The following PHACTR1 variants were observed in gnomAD, a reference collection of about 807,000 sequenced individuals.
The protein encoded by PHACTR1 is RPEL repeat containing 1.
PHACTR1 carries 16 observed loss-of-function variants against 69.2 expected under a neutral mutation model. The ratio of observed to expected loss-of-function variants is 0.23; its 90% CI spans 0.16 to 0.35. PHACTR1 has a LOEUF of 0.35. Ranked by LOEUF, PHACTR1 falls within the 10% of genes least tolerant of loss-of-function variation. The pLI, the probability that PHACTR1 is intolerant of heterozygous loss-of-function variation, is 1.00. For synonymous variants in PHACTR1, 312 were observed against 284.5 expected, an observed-to-expected ratio of 1.10 and a Z score of -0.97; for missense variants, 510 against 734.7, an observed-to-expected ratio of 0.69 and a Z score of 3.54.
chr6:13,032,887 T>C (rs1229109765), intron 4 of PHACTR1, among the ~76,000 whole-genome samples: 1 of 152,204 alleles, frequency 6.6e-6, no homozygotes, highest in African/African-American at 2.4e-5. Flanking sequence ...CGGTATGAGC[T>C]ACTGTGCCCA....
In PHACTR1 at chr6:12,805,430, G is replaced by A. The variant is rs116601220; in HGVS notation, c.250+55640G>A. 7.8e-3 allele frequency among the ~76,000 whole-genome samples: 1,186 copies of A among 152,056 alleles called. 15 individuals carry two copies. The highest frequency in any genetic ancestry group is 0.027 in the African/African-American group (1,121 of 41,476). ...CTTCTCCCAGTCTCAAACAATCCTC[G>A]TCACCACTCAGCAGCCTCCACTTAG... On this transcript the variant is annotated intron_variant, in intron 4 of 14. Transcript: ENST00000332995.
intron 4 of PHACTR1, among the ~76,000 whole-genome samples, chr6:12,788,841 T>A (rs1442463596): frequency 6.6e-6 from 1 of 152,204 alleles, no homozygotes; most frequent in Admixed American, 6.5e-5. Context: ...TTGATTAAAT[T>A]CTGCATTGAA....
chr6:13,268,278 A>G (rs1777100845), intron 10 of PHACTR1, among the ~76,000 whole-genome samples: 1 of 152,184 alleles, frequency 6.6e-6, no homozygotes, highest in South Asian at 2.1e-4. Flanking sequence ...AAAAAGAGAA[A>G]AAAGTGTAAC....
intron 4 of PHACTR1, among the ~76,000 whole-genome samples, chr6:12,981,549 T>G (rs1201699446): frequency 9.8e-5 from 15 of 152,354 alleles, no homozygotes; most frequent in Admixed American, 9.1e-4. Flanking sequence ...CATCCCCAGA[T>G]GTAAGCACTT....
At chr6:13,034,316 C>G (rs919058252) in intron 4 of PHACTR1, among the ~76,000 whole-genome samples, 1 of 152,198 alleles carries the variant, frequency 6.6e-6, no homozygotes, top group Non-Finnish European at 1.5e-5. Flanking sequence ...CACGCCCGGC[C>G]AGGACTTTTC....
rs1422921880 is a variant in PHACTR1, at chr6:12,780,257, G to C, written c.250+30467G>C. The stretch of plus-strand genomic sequence containing the variant: ...ATATATATATCTTTTCTCTGTGTGT[G>C]TGTGTGTGTGTGTGTGTGTGTGTGT... On this transcript the variant is annotated intron_variant, in intron 4 of 14. Transcript: ENST00000332995. Among the ~76,000 whole-genome samples the C allele has an allele frequency of 9.7e-3, 574 of 59,166 alleles. 4 individuals are homozygous for C. The highest frequency in any genetic ancestry group is 0.027 in the East Asian group (52 of 1,952). The allele number at this position is 59,166 out of a possible 152,430, so 38.8% of individuals were successfully genotyped here.
chr6:13,102,676 A>G (rs1419904357), intron 5 of PHACTR1, among the ~76,000 whole-genome samples: 2 of 152,204 alleles, frequency 1.3e-5, no homozygotes, highest in African/African-American at 4.8e-5. Flanking sequence ...AAGAATGTAC[A>G]AAATCACCCC....
intron 8 of PHACTR1, 102 bp downstream of exon 8, chr6:13,206,238 T>A: frequency 8.4e-7 from 1 of 1,184,596 alleles, no homozygotes; most frequent in Non-Finnish European, 1.2e-6. Flanking sequence ...CAAGGGGTCA[T>A]CCCCACTGGG....
At chr6:12,773,743 C>T (rs1414365255) in intron 4 of PHACTR1, among the ~76,000 whole-genome samples, 1 of 152,154 alleles carries the variant, frequency 6.6e-6, no homozygotes, top group Non-Finnish European at 1.5e-5. Context: ...GCCAGAATAT[C>T]TACTTCTCAT....
chr6:13,243,132 T>A (rs1003701907), intron 10 of PHACTR1, among the ~76,000 whole-genome samples: 3 of 152,110 alleles, frequency 2.0e-5, no homozygotes, highest in African/African-American at 7.2e-5. Context: ...TGGGAATGAG[T>A]CAGGGCTCTG....
chr6:13,206,245 T>G, intron 8 of PHACTR1, 109 bp downstream of exon 8: 1 of 1,139,528 alleles, frequency 8.8e-7, no homozygotes, highest in African/African-American at 1.6e-5. Context: ...TCATCCCCAC[T>G]GGGGGAAAAT....
intron 4 of PHACTR1, among the ~76,000 whole-genome samples, chr6:12,824,878 C>T (rs1212338349): frequency 2.0e-5 from 3 of 152,162 alleles, no homozygotes; most frequent in Non-Finnish European, 4.4e-5. Context: ...GGGCTCTATC[C>T]TGGCTCACCA....
rs150375352 is a variant in PHACTR1 at position 13,036,262 on chromosome 6, G to C, written c.251-17103G>C. ...CAAATCCTATCCCTATGCATAAATA[G>C]ATATGAAGATAGGCAAGTAAGCCAT... On this transcript the variant is annotated intron_variant, in intron 4 of 14. Coordinates refer to ENST00000332995, the MANE Select transcript of PHACTR1 (RefSeq NM_030948.6). Among the ~76,000 whole-genome samples the C allele has an allele frequency of 3.3e-5, 5 of 152,202 alleles. No homozygotes were observed. The East Asian group carries it at 9.6e-4, about 29-fold the overall frequency.
At chr6:12,959,202 A>ATAAAAG (rs1554181518) in intron 4 of PHACTR1, among the ~76,000 whole-genome samples, 1 of 69,128 alleles carries the variant, frequency 1.4e-5, no homozygotes, top group African/African-American at 1.1e-4. Context: ...AAAAGAAAAG[A>ATAAAAG]AAAAAAAAAG....
intron 3 of PHACTR1, among the ~76,000 whole-genome samples, chr6:12,722,319 T>C (rs1762228796): frequency 6.6e-6 from 1 of 152,236 alleles, no homozygotes; most frequent in African/African-American, 2.4e-5. Flanking sequence ...AGTTCCCCTC[T>C]CTCATTTCCC....
chr6:13,054,098 G>A (rs573897173), intron 5 of PHACTR1, among the ~76,000 whole-genome samples: 1 of 152,324 alleles, frequency 6.6e-6, no homozygotes, highest in African/African-American at 2.4e-5. Context: ...GGGGTTAAGA[G>A]CACAGATCCT....
intron 5 of PHACTR1, among the ~76,000 whole-genome samples, chr6:13,146,424 C>T (rs1823360402): frequency 6.6e-6 from 1 of 152,152 alleles, no homozygotes; most frequent in South Asian, 2.1e-4. Flanking sequence ...AACCAAAAAC[C>T]CTCAATCTAA....
At chr6:12,777,625 C>CTTTTTTTTTT (rs869096915) in intron 4 of PHACTR1, among the ~76,000 whole-genome samples, 29 of 99,008 alleles carry the variant, frequency 2.9e-4, no homozygotes, top group South Asian at 4.0e-4. Context: ...CTTTCTTCTT[C>CTTTTTTTTTT]TTTTTTTTTT....
At chr6:13,042,925 G>A (rs1288577393) in intron 4 of PHACTR1, among the ~76,000 whole-genome samples, 2 of 152,202 alleles carry the variant, frequency 1.3e-5, no homozygotes, top group Non-Finnish European at 2.9e-5. Flanking sequence ...CCTTTTAGTT[G>A]CAAGTAAAAG....
Sources: allele counts gnomAD v4.1 joint callset (sites outside exome capture counted in the v4.1 genomes callset), GRCh38; gene constraint gnomAD v4.1.1; transcripts MANE v1.5; gene names NCBI Gene and HGNC (gene_info 2026-07-23, HGNC 2026-07-21).